The following PCDH9 variants were observed in gnomAD, a reference collection of about 807,000 sequenced individuals.
The protein encoded by PCDH9 is protocadherin 9.
PCDH9 carries 24 observed loss-of-function variants against 70.6 expected under a neutral mutation model. That is an observed-to-expected ratio of 0.34 (90% CI 0.25 to 0.48). The LOEUF is 0.48. Among genes scored for constraint, PCDH9 ranks in the 20% least tolerant of loss-of-function variants. The pLI is 0.99. For synonymous variants in PCDH9, 562 were observed against 558.5 expected, an observed-to-expected ratio of 1.01 and a Z score of -0.09; for missense variants, 1,281 against 1,503.6, an observed-to-expected ratio of 0.85 and a Z score of 2.45.
intron 3 of PCDH9, among the ~76,000 whole-genome samples, chr13:66,720,267 T>A (rs2078924169): frequency 6.6e-6 from 1 of 151,758 alleles, no homozygotes; most frequent in African/African-American, 2.4e-5. Context: ...TGCCTCAGCC[T>A]CCTGAGTAGC....
chr13:66,399,270 A>G (rs796693880), intron 4 of PCDH9, among the ~76,000 whole-genome samples: 9 of 152,132 alleles, frequency 5.9e-5, no homozygotes, highest in African/African-American at 1.7e-4. Context: ...TCTAAATTGG[A>G]TATCTATAGG....
chr13:66,372,799 G>A (rs1956680144), intron 4 of PCDH9, among the ~76,000 whole-genome samples: 1 of 151,794 alleles, frequency 6.6e-6, no homozygotes, highest in African/African-American at 2.4e-5. Flanking sequence ...TCACTGATTG[G>A]ACATTAGGAG....
intron 2 of PCDH9, among the ~76,000 whole-genome samples, chr13:67,164,058 T>A (rs551512502): frequency 1.3e-5 from 2 of 152,292 alleles, no homozygotes; most frequent in East Asian, 3.9e-4. Flanking sequence ...TCTAACAAAA[T>A]CATGTGTTTT....
intron 2 of PCDH9, among the ~76,000 whole-genome samples, chr13:67,136,151 G>T (rs937546423): frequency 1.3e-5 from 2 of 152,048 alleles, no homozygotes. Flanking sequence ...GTTTAGATGG[G>T]TTTAGATACA....
intron 3 of PCDH9, among the ~76,000 whole-genome samples, chr13:66,865,556 C>T (rs2081558829): frequency 6.6e-6 from 1 of 152,124 alleles, no homozygotes; most frequent in Non-Finnish European, 1.5e-5. Flanking sequence ...TTCCATTGGT[C>T]AGAAGTATTA....
At chr13:66,879,814 A>G (rs1472353935) in intron 3 of PCDH9, among the ~76,000 whole-genome samples, 24 of 152,220 alleles carry the variant, frequency 1.6e-4, no homozygotes, top group Admixed American at 1.6e-3. Flanking sequence ...TTGCAATTAA[A>G]TGTACAATAG....
chr13:67,204,876 T>C (rs1379680055), intron 2 of PCDH9: 1 of 152,168 alleles, frequency 6.6e-6, no homozygotes, highest in Non-Finnish European at 1.5e-5. Context: ...GGGAATTCTA[T>C]CAGAAGACTG....
intron 2 of PCDH9, among the ~76,000 whole-genome samples, chr13:66,941,551 A>G (rs1377836617): frequency 2.0e-5 from 3 of 151,854 alleles, no homozygotes; most frequent in Non-Finnish European, 3.0e-5. Flanking sequence ...AAAAACAAAA[A>G]GATAGAAAAG....
intron 4 of PCDH9, among the ~76,000 whole-genome samples, chr13:66,486,485 A>T (rs113614008): frequency 6.1e-4 from 93 of 152,040 alleles, no homozygotes; most frequent in African/African-American, 2.0e-3. Context: ...AAATAAAAAA[A>T]ATTAGCCAGG....
chr13:66,745,235 C>G (rs1260353294), intron 3 of PCDH9, among the ~76,000 whole-genome samples: 1 of 152,110 alleles, frequency 6.6e-6, no homozygotes, highest in Non-Finnish European at 1.5e-5. Flanking sequence ...TGATGTCTTA[C>G]CCATTTGAAT....
chr13:67,058,870 T>C (rs1006743010), intron 2 of PCDH9, among the ~76,000 whole-genome samples: 9 of 152,126 alleles, frequency 5.9e-5, no homozygotes, highest in African/African-American at 1.9e-4. Flanking sequence ...TAAACACATG[T>C]ACTCTCCTTG....
intron 4 of PCDH9, among the ~76,000 whole-genome samples, chr13:66,453,462 C>T (rs1009370252): frequency 6.6e-6 from 1 of 152,138 alleles, no homozygotes. Context: ...TTGCAGGTCC[C>T]CAGCACTATA....
intron 4 of PCDH9, among the ~76,000 whole-genome samples, chr13:66,613,283 A>G (rs1454387309): frequency 1.3e-5 from 2 of 152,154 alleles, no homozygotes; most frequent in African/African-American, 4.8e-5. Flanking sequence ...TTAGACTGTA[A>G]TAAGCTTAAA....
At chr13:67,158,068 G>A (rs769400600) in intron 2 of PCDH9, among the ~76,000 whole-genome samples, 17 of 152,110 alleles carry the variant, frequency 1.1e-4, no homozygotes, top group Non-Finnish European at 2.2e-4. Flanking sequence ...TTTTTAAAAC[G>A]AAGATAATTA....
intron 4 of PCDH9, among the ~76,000 whole-genome samples, chr13:66,455,853 A>T (rs1182368284): frequency 6.6e-6 from 1 of 152,156 alleles, no homozygotes; most frequent in Admixed American, 6.5e-5. Context: ...TTATATACTA[A>T]AGAAAGGAAA....
At chr13:66,479,095 A>C (rs142909418) in intron 4 of PCDH9, among the ~76,000 whole-genome samples, 384 of 152,318 alleles carry the variant, frequency 2.5e-3, no homozygotes, top group Non-Finnish European at 3.7e-3. Flanking sequence ...AATTATGCTA[A>C]ATCTACTCTG....
chr13:66,839,934 A>G (rs2081087359), intron 3 of PCDH9, among the ~76,000 whole-genome samples: 1 of 152,188 alleles, frequency 6.6e-6, no homozygotes, highest in Non-Finnish European at 1.5e-5. Context: ...CTATTCAAAT[A>G]TTCTTCTTTC....
At chr13:66,889,217 G>A (rs371300534) in intron 3 of PCDH9, among the ~76,000 whole-genome samples, 2 of 152,200 alleles carry the variant, frequency 1.3e-5, no homozygotes, top group African/African-American at 4.8e-5. Context: ...CCTGATTACT[G>A]TGTAGACTGG....
At chr13:66,941,386 T>C (rs2083004161) in intron 2 of PCDH9, among the ~76,000 whole-genome samples, 2 of 151,756 alleles carry the variant, frequency 1.3e-5, no homozygotes, top group African/African-American at 4.8e-5. Flanking sequence ...AGCAAGATGA[T>C]AGATTTATAT....
Sources: gnomAD v4.1 joint callset for allele counts (sites outside exome capture counted in the v4.1 genomes callset) on GRCh38, gnomAD v4.1.1 for gene constraint, MANE v1.5 for transcripts, NCBI Gene and HGNC (gene_info 2026-07-23, HGNC 2026-07-21) for gene names.